Variants in MTO1 observed in about 807,000 individuals in gnomAD.
MTO1 encodes mitochondrial tRNA translation optimization 1.
MTO1 carries 46 observed loss-of-function variants against 71.6 expected under a neutral mutation model. The observed-to-expected ratio is 0.64, with a 90% confidence interval of 0.51 to 0.82. The LOEUF is 0.82. MTO1 is among the 40% of genes least tolerant of loss of function. MTO1 has a pLI of 0.00. For synonymous variants in MTO1, 297 were observed against 312.1 expected (o/e 0.95, Z 0.51); for missense variants, 773 against 867.5 (o/e 0.89, Z 1.37).
intron 11 of MTO1, among the ~76,000 whole-genome samples, chr6:73,499,465 C>G (rs1027806845): frequency 1.0e-4 from 15 of 146,754 alleles, no homozygotes; most frequent in African/African-American, 3.6e-4. Context: ...GAGGCTGCAG[C>G]AAGTCATGAT....
intron 7 of MTO1, among the ~76,000 whole-genome samples, chr6:73,481,620 T>A (rs1561946632): frequency 6.6e-6 from 1 of 151,964 alleles, no homozygotes; most frequent in Non-Finnish European, 1.5e-5. Context: ...ATGTAAAAAT[T>A]AGCCAGGTGT....
intron 10 of MTO1, 29 bp downstream of exon 10, chr6:73,492,381 C>T: frequency 1.4e-6 from 2 of 1,412,520 alleles, no homozygotes; most frequent in Non-Finnish European, 2.0e-6. Flanking sequence ...CTTAACATAC[C>T]TTTATCATAT....
At chr6:73,477,807 C>T (rs1771370455) in intron 4 of MTO1, among the ~76,000 whole-genome samples, 1 of 151,936 alleles carries the variant, frequency 6.6e-6, no homozygotes, top group Admixed American at 6.6e-5. Context: ...AAGCCTAGCC[C>T]AAAACAACCT....
chr6:73,482,891 G>A (rs1381832714), intron 9 of MTO1, among the ~76,000 whole-genome samples: 3 of 142,410 alleles, frequency 2.1e-5, no homozygotes, highest in East Asian at 4.2e-4. Flanking sequence ...TCCCGGGTTC[G>A]CGCCATTCTC....
At chr6:73,483,888 C>G (rs1290762409) in intron 9 of MTO1, among the ~76,000 whole-genome samples, 1 of 151,268 alleles carries the variant, frequency 6.6e-6, no homozygotes, top group African/African-American at 2.4e-5. Context: ...AAGCAATTCT[C>G]CTGCCTCAGC....
At chr6:73,471,768 A>T (rs1198162247) in intron 3 of MTO1, 1 of 167,482 alleles carries the variant, frequency 6.0e-6, no homozygotes, top group East Asian at 1.8e-4. Context: ...TCCATATTTT[A>T]TAGGCCCAAC....
Position 73,461,793 on chromosome 6 carries a change from G to T in MTO1, c.-62G>T. The T allele has an allele frequency of 6.5e-7, 1 of 1,546,522 alleles. No individual in the cohort carries two copies. Among genetic ancestry groups the T allele is most frequent in the South Asian group, 1.2e-5 (1 of 86,628 alleles). On this transcript the variant is annotated 5_prime_UTR_variant, in exon 1 of 12. Coordinates refer to ENST00000498286, the MANE Select transcript of MTO1 (RefSeq NM_012123.4). ...CGCGCCCTGCAGATTGTCTCTTGTT[G>T]CGTAAGTTTTTTTGACCGTCACTCG...
At chr6:73,493,562 TG>T (rs1465795550) in intron 10 of MTO1, among the ~76,000 whole-genome samples, 2 of 151,832 alleles carry the variant, frequency 1.3e-5, no homozygotes, top group African/African-American at 4.8e-5. Flanking sequence ...GGCAAATTTT[TG>T]TATTTTTAGT....
At chr6:73,490,307 G>A (rs758627303) in intron 9 of MTO1, among the ~76,000 whole-genome samples, 1 of 152,140 alleles carries the variant, frequency 6.6e-6, no homozygotes, top group African/African-American at 2.4e-5. Flanking sequence ...GATCCCATTT[G>A]TCAATTTTGG....
Position 73,464,441 on chromosome 6 carries a change from A to G in MTO1, c.218-1768A>G, listed in dbSNP as rs532638808. 1.3e-3 allele frequency among the ~76,000 whole-genome samples: 193 copies of G among 152,238 alleles called. 1 individual carries two copies. Among genetic ancestry groups the G allele is most frequent in the African/African-American group, 4.4e-3 (184 of 41,566 alleles). ...CTCCTCATAATGACACTTCATGCTC[A>G]TAATCACAGTGCTATCCAGTCTCCC... On this transcript the variant is annotated intron_variant, in intron 1 of 11. Transcript: ENST00000498286.
At chr6:73,473,859 T>C (rs1267042111) in intron 4 of MTO1, among the ~76,000 whole-genome samples, 1 of 149,618 alleles carries the variant, frequency 6.7e-6, no homozygotes, top group Non-Finnish European at 1.5e-5. Flanking sequence ...CAATTATGGG[T>C]CACTACAGCC....
rs1772312100 is a variant in MTO1, at chr6:73,507,166, A to G, written c.*6431A>G. 6.6e-6 allele frequency: 1 copy of G among 152,016 alleles called. No homozygotes were observed. Among genetic ancestry groups the G allele is most frequent in the Non-Finnish European group, 1.5e-5 (1 of 68,020 alleles). The allele number at this position is 152,016 out of a possible 1,614,324, so 9.4% of individuals were successfully genotyped here. A position where few individuals can be genotyped will look rare whatever the true frequency, so the allele number is the denominator to read the frequency against. On this transcript the variant is annotated 3_prime_UTR_variant, in exon 12 of 12. Transcript: ENST00000498286. Reference sequence around the variant, plus strand: ...GTGTGTGTGTTTGTATTGTGCTGCAATATAAAATGTATTTCAGGCCAGGTA... The same window carrying G: ...GTGTGTGTGTTTGTATTGTGCTGCAGTATAAAATGTATTTCAGGCCAGGTA...
chr6:73,487,164 G>A (rs908589820), intron 9 of MTO1, among the ~76,000 whole-genome samples: 1 of 150,668 alleles, frequency 6.6e-6, no homozygotes, highest in Admixed American at 6.6e-5. Context: ...ATGAACATGG[G>A]TATACAAAGA....
chr6:73,484,407 T>C (rs2150038558), intron 9 of MTO1, among the ~76,000 whole-genome samples: 1 of 152,268 alleles, frequency 6.6e-6, no homozygotes, highest in African/African-American at 2.4e-5. Context: ...AGATGGTGCC[T>C]TCTTGCTGTG....
chr6:73,486,620 C>G (rs562616533), intron 9 of MTO1: 1 of 434,924 alleles, frequency 2.3e-6, no homozygotes, highest in South Asian at 1.6e-5. Context: ...ACATCTTAAT[C>G]CCAGCTACTT....
intron 4 of MTO1, among the ~76,000 whole-genome samples, chr6:73,475,000 C>T (rs969286357): frequency 6.6e-6 from 1 of 152,114 alleles, no homozygotes; most frequent in African/African-American, 2.4e-5. Context: ...GGTAATCCAC[C>T]CTCCTCAGCC....
At chr6:73,496,338 T>A (rs886405273) in intron 10 of MTO1, among the ~76,000 whole-genome samples, 6 of 152,202 alleles carry the variant, frequency 3.9e-5, no homozygotes, top group African/African-American at 1.4e-4. Context: ...AAATAATTGC[T>A]GAATTATCTT....
rs894495472 is a variant in MTO1 at position 73,505,452 on chromosome 6, A to G, written c.*4717A>G. 2 of 152,230 alleles carry G rather than the reference A, an allele frequency of 1.3e-5. No homozygotes were observed. Among genetic ancestry groups the G allele is most frequent in the African/African-American group, 4.8e-5 (2 of 41,458 alleles). The allele number at this position is 152,230 out of a possible 1,614,324, so 9.4% of individuals were successfully genotyped here. ...TCCCTTTATAAGAGTTACCTGGAGCACTCAAATTCATAGAGACAGTAAAAT... is the reference window on the plus strand; with the variant it reads ...TCCCTTTATAAGAGTTACCTGGAGCGCTCAAATTCATAGAGACAGTAAAAT... On this transcript the variant is annotated 3_prime_UTR_variant, in exon 12 of 12. Transcript: ENST00000498286.
At chr6:73,477,490 T>C (rs899711381) in intron 4 of MTO1, among the ~76,000 whole-genome samples, 7 of 149,406 alleles carry the variant, frequency 4.7e-5, no homozygotes, top group Admixed American at 4.0e-4. Context: ...TGCTAATTGG[T>C]AAATATTGTC....
Sources: allele counts gnomAD v4.1 joint callset (sites outside exome capture counted in the v4.1 genomes callset), GRCh38; gene constraint gnomAD v4.1.1; transcripts MANE v1.5; gene names NCBI Gene and HGNC (gene_info 2026-07-23, HGNC 2026-07-21).